The following ATF7IP variants were observed in gnomAD, a reference collection of about 807,000 sequenced individuals.
ATF7IP encodes activating transcription factor 7-interacting protein 1.
A neutral mutation model predicts 106.4 loss-of-function variants in ATF7IP; 23 were observed. That is an observed-to-expected ratio of 0.22 (90% CI 0.16 to 0.31). ATF7IP has a LOEUF of 0.31. Among genes scored for constraint, ATF7IP ranks in the 10% least tolerant of loss-of-function variants. The pLI is 1.00. For synonymous variants in ATF7IP, 542 were observed against 539.0 expected (o/e 1.01, Z -0.08); for missense variants, 1,334 against 1,524.3 (o/e 0.88, Z 2.08).
chr12:14,445,574 T>G (rs1419971965), intron 5 of ATF7IP, among the ~76,000 whole-genome samples: 1 of 152,118 alleles, frequency 6.6e-6, no homozygotes, highest in Non-Finnish European at 1.5e-5. Flanking sequence ...AAATTATGCT[T>G]TATGATCTTG....
At chr12:14,422,166 G>C (rs1050135464) in intron 1 of ATF7IP, among the ~76,000 whole-genome samples, 6 of 151,972 alleles carry the variant, frequency 3.9e-5, no homozygotes, top group African/African-American at 1.5e-4. Context: ...GAAAAAGTAA[G>C]TGAAAAGAGA....
chr12:14,394,577 T>A (rs2136443741), intron 1 of ATF7IP, among the ~76,000 whole-genome samples: 1 of 152,310 alleles, frequency 6.6e-6, no homozygotes, highest in East Asian at 1.9e-4. Flanking sequence ...TTATGTAAAT[T>A]GTCCTTACTG....
At chr12:14,490,588 G>A (rs1944781672) in intron 13 of ATF7IP, among the ~76,000 whole-genome samples, 1 of 152,148 alleles carries the variant, frequency 6.6e-6, no homozygotes, top group Admixed American at 6.5e-5. Context: ...TAGTGCTGCA[G>A]CTGTGTACTT....
intron 1 of ATF7IP, among the ~76,000 whole-genome samples, chr12:14,392,745 A>G (rs1361729247): frequency 6.6e-6 from 1 of 152,238 alleles, no homozygotes; most frequent in Admixed American, 6.5e-5. Context: ...GATCAGTCTG[A>G]GAACTGTTCG....
At chr12:14,372,821 T>G (rs1221388051) in intron 1 of ATF7IP, among the ~76,000 whole-genome samples, 1 of 152,138 alleles carries the variant, frequency 6.6e-6, no homozygotes, top group African/African-American at 2.4e-5. Context: ...ATTATCTGGT[T>G]TGATACCTAG....
intron 14 of ATF7IP, among the ~76,000 whole-genome samples, chr12:14,496,584 TTGGGGTATA>T (rs1398184855): frequency 6.6e-6 from 1 of 152,182 alleles, no homozygotes; most frequent in Non-Finnish European, 1.5e-5. Context: ...AGGTCCACAG[TTGGGGTATA>T]TGAAGTGAAA....
intron 10 of ATF7IP, among the ~76,000 whole-genome samples, chr12:14,472,841 A>T (rs1944103593): frequency 6.6e-6 from 1 of 151,866 alleles, no homozygotes; most frequent in Admixed American, 6.6e-5. Context: ...CACTATATTA[A>T]TCTCTTCTCA....
At chr12:14,417,982 A>G (rs988174488) in intron 1 of ATF7IP, among the ~76,000 whole-genome samples, 3 of 152,200 alleles carry the variant, frequency 2.0e-5, no homozygotes, top group Admixed American at 2.0e-4. Context: ...GCTAAGACAT[A>G]ACAGCTTCCC....
chr12:14,425,849 T>A (rs1941815044), intron 2 of ATF7IP, among the ~76,000 whole-genome samples: 1 of 152,242 alleles, frequency 6.6e-6, no homozygotes, highest in South Asian at 2.1e-4. Flanking sequence ...CCTAATAGTT[T>A]AATCTATTTG....
At chr12:14,491,947 G>C (rs192288816) in intron 13 of ATF7IP, among the ~76,000 whole-genome samples, 1 of 152,170 alleles carries the variant, frequency 6.6e-6, no homozygotes, top group Non-Finnish European at 1.5e-5. Context: ...CATCTTTCAC[G>C]TCCTTGATGG....
chr12:14,496,272 A>G lies in ATF7IP; in HGVS notation c.3322A>G (p.Asn1108Asp). 6.2e-7 allele frequency: 1 copy of G among 1,614,010 alleles called. No homozygotes were observed. Among genetic ancestry groups the G allele is most frequent in the Non-Finnish European group, 8.5e-7 (1 of 1,179,922 alleles). The change falls in exon 14 of 15, where the codon AAC becomes GAC. Residue 1108 changes from asparagine (N) to aspartate (D), a missense_variant. By Grantham distance (23) the Asn-to-Asp change is conservative. Coordinates refer to ENST00000261168, the MANE Select transcript of ATF7IP (RefSeq NM_018179.5). Reference protein sequence around the residue: ...RVPQTTTYVVNNGLTLGSTGP... With the variant: ...RVPQTTTYVVDNGLTLGSTGP... ...GCCTCAAACAACCACATATGTTGTA[A>G]ACAATGGACTAACCCTGGGATCAAC...
At chr12:14,457,169 A>G (rs780079901) in intron 7 of ATF7IP, 38 bp from the exon 8 acceptor site, 3 of 1,516,704 alleles carry the variant, frequency 2.0e-6, no homozygotes, top group Non-Finnish European at 1.8e-6. Flanking sequence ...CCTGAGTGGC[A>G]TATCTATTGA....
intron 10 of ATF7IP, among the ~76,000 whole-genome samples, chr12:14,470,951 C>T (rs1238670524): frequency 6.6e-6 from 1 of 152,078 alleles, no homozygotes; most frequent in Non-Finnish European, 1.5e-5. Flanking sequence ...TACACATATT[C>T]CTCTGAGCAC....
At chr12:14,473,226 G>A (rs1226771183) in intron 10 of ATF7IP, among the ~76,000 whole-genome samples, 1 of 147,636 alleles carries the variant, frequency 6.8e-6, no homozygotes, top group Non-Finnish European at 1.5e-5. Flanking sequence ...TTTTGTATCA[G>A]TTTTTTTTAA....
chr12:14,370,693 T>C (rs958053820), intron 1 of ATF7IP, among the ~76,000 whole-genome samples: 1 of 152,120 alleles, frequency 6.6e-6, no homozygotes, highest in Non-Finnish European at 1.5e-5. Flanking sequence ...TCTGTGACTT[T>C]TCAGGAGGAT....
rs757188468 is a variant in ATF7IP, at chr12:14,497,606, A to G, written c.3394-48A>G. On this transcript the variant is annotated intron_variant, in intron 14 of 14. Coordinates refer to ENST00000261168, the MANE Select transcript of ATF7IP (RefSeq NM_018179.5). ...GGTGTTTTAATTCTAACATTCTAAA[A>G]TAGTTCTTTTTGCAATCATCATTAA... 12 of 1,533,308 alleles carry G rather than the reference A, an allele frequency of 7.8e-6. No homozygotes were observed. In the African/African-American group the frequency reaches 1.4e-4, roughly 18 times the overall value. 95.0% of individuals were successfully genotyped at this position (1,533,308 alleles called of 1,614,324 possible).
At chr12:14,447,508 C>T (rs184907108) in intron 6 of ATF7IP, among the ~76,000 whole-genome samples, 28 of 152,128 alleles carry the variant, frequency 1.8e-4, no homozygotes, top group African/African-American at 6.5e-4. Flanking sequence ...TCTCGAACTC[C>T]CAACATCAGG....
rs913577546 is a variant in ATF7IP, at chr12:14,501,801, A to G, written c.*3728A>G. 2.6e-5 allele frequency: 4 copies of G among 152,162 alleles called. No homozygotes were observed. The highest frequency in any genetic ancestry group is 7.2e-5 in the African/African-American group (3 of 41,436). 9.4% of individuals were successfully genotyped at this position (152,162 alleles called of 1,614,324 possible). ...CTCCTTAAGCAGGCTGTATCTTACA[A>G]TTCCCTTACTGCACTGGGTAAGTGT... On this transcript the variant is annotated 3_prime_UTR_variant, in exon 15 of 15. Coordinates refer to ENST00000261168, the MANE Select transcript of ATF7IP (RefSeq NM_018179.5).
At chr12:14,438,647 T>G (rs1175176037) in intron 5 of ATF7IP, among the ~76,000 whole-genome samples, 1 of 152,208 alleles carries the variant, frequency 6.6e-6, no homozygotes, top group African/African-American at 2.4e-5. Context: ...TTACATGGTG[T>G]TGTCCTTGTA....
Sources: allele counts gnomAD v4.1 joint callset (sites outside exome capture counted in the v4.1 genomes callset), GRCh38; gene constraint gnomAD v4.1.1; transcripts MANE v1.5; gene names NCBI Gene and HGNC (gene_info 2026-07-23, HGNC 2026-07-21).